Variants in GRIK2 observed in about 807,000 individuals in gnomAD.
The protein encoded by GRIK2 is glutamate ionotropic receptor kainate type subunit 2, also known as glutamate receptor ionotropic, kainate 2.
A neutral mutation model predicts 100.3 loss-of-function variants in GRIK2; 32 were observed. The observed-to-expected ratio is 0.32, with a 90% CI of 0.24 to 0.43. The LOEUF (loss-of-function observed/expected upper bound fraction) is 0.43, where lower values mean the gene tolerates loss of function less well. Ranked by LOEUF, GRIK2 falls within the 20% of genes least tolerant of loss-of-function variation. The pLI is 1.00. For missense variants in GRIK2, 843 were observed against 1,114.9 expected (o/e 0.76, Z 3.47); for synonymous variants, 417 against 389.4 (o/e 1.07, Z -0.83).
chr6:101,706,619 G>A (rs928940022), intron 7 of GRIK2, among the ~76,000 whole-genome samples: 10 of 151,870 alleles, frequency 6.6e-5, no homozygotes, highest in African/African-American at 1.7e-4. Context: ...TTTTCAGACC[G>A]TGCTATAGGT....
intron 2 of GRIK2, among the ~76,000 whole-genome samples, chr6:101,425,698 C>T (rs1582421808): frequency 2.0e-5 from 3 of 152,184 alleles, no homozygotes; most frequent in African/African-American, 7.2e-5. Flanking sequence ...TTATGATAGA[C>T]TGATTTTTAC....
intron 7 of GRIK2, among the ~76,000 whole-genome samples, chr6:101,688,411 G>A (rs1274235758): frequency 1.3e-5 from 2 of 151,770 alleles, no homozygotes; most frequent in African/African-American, 2.4e-5. Flanking sequence ...CCGAAATGAA[G>A]TAATCCCTAA....
chr6:101,923,307 A>G (rs1230277807), intron 12 of GRIK2, among the ~76,000 whole-genome samples: 1 of 152,172 alleles, frequency 6.6e-6, no homozygotes, highest in East Asian at 1.9e-4. Flanking sequence ...AGTGGCTTTA[A>G]AATTTGAAAT....
intron 2 of GRIK2, among the ~76,000 whole-genome samples, chr6:101,577,709 TTG>T (rs1467317502): frequency 3.3e-5 from 5 of 152,158 alleles, no homozygotes; most frequent in Non-Finnish European, 7.3e-5. Flanking sequence ...TTTATTTTCC[TTG>T]AGAAGATGAT....
chr6:101,678,560 C>T (rs1348590333), intron 5 of GRIK2, among the ~76,000 whole-genome samples: 1 of 152,126 alleles, frequency 6.6e-6, no homozygotes, highest in Non-Finnish European at 1.5e-5. Flanking sequence ...CTTTGTCTCA[C>T]ATTTGAATTT....
chr6:101,526,806 C>T (rs180735727), intron 2 of GRIK2, among the ~76,000 whole-genome samples: 4 of 152,234 alleles, frequency 2.6e-5, no homozygotes, highest in Admixed American at 6.5e-5. Flanking sequence ...GCCCATGGGC[C>T]CCATAGAAAG....
intron 4 of GRIK2, among the ~76,000 whole-genome samples, chr6:101,644,344 G>A (rs1781422909): frequency 6.6e-6 from 1 of 151,710 alleles, no homozygotes; most frequent in African/African-American, 2.4e-5. Context: ...GTACAGAGCT[G>A]TGAAATGGTA....
At chr6:101,405,420 GGTAA>G (rs1196643722) in intron 2 of GRIK2, among the ~76,000 whole-genome samples, 10 of 151,794 alleles carry the variant, frequency 6.6e-5, no homozygotes, top group Non-Finnish European at 1.3e-4. Flanking sequence ...TGTGTTGAAG[GGTAA>G]GTGTTGATGA....
At chr6:101,512,682 TCAA>T (rs887281640) in intron 2 of GRIK2, among the ~76,000 whole-genome samples, 1 of 152,088 alleles carries the variant, frequency 6.6e-6, no homozygotes, top group Non-Finnish European at 1.5e-5. Context: ...TTTTTTTCAA[TCAA>T]CAACTTTTTT....
intron 2 of GRIK2, among the ~76,000 whole-genome samples, chr6:101,480,074 C>T (rs1324524173): frequency 6.6e-6 from 1 of 152,108 alleles, no homozygotes; most frequent in Non-Finnish European, 1.5e-5. Flanking sequence ...AAGATTTCTG[C>T]AAATTTACAA....
At chr6:101,641,312 T>G (rs557505439) in intron 4 of GRIK2, among the ~76,000 whole-genome samples, 1 of 152,062 alleles carries the variant, frequency 6.6e-6, no homozygotes, top group Non-Finnish European at 1.5e-5. Context: ...AATTCCCCAT[T>G]CCACTCTCAC....
intron 2 of GRIK2, among the ~76,000 whole-genome samples, chr6:101,585,905 T>A (rs1245967019): frequency 1.3e-5 from 2 of 151,956 alleles, no homozygotes; most frequent in Admixed American, 6.6e-5. Flanking sequence ...AACATAAAAT[T>A]TTTCCTCCTG....
intron 14 of GRIK2, chr6:101,993,736 A>C (rs1794497974): frequency 6.7e-6 from 1 of 149,544 alleles, no homozygotes; most frequent in African/African-American, 2.4e-5. Flanking sequence ...AATATAGTTA[A>C]ATCTATTATA....
intron 10 of GRIK2, among the ~76,000 whole-genome samples, chr6:101,828,354 C>A (rs1421706593): frequency 1.3e-5 from 2 of 151,778 alleles, no homozygotes; most frequent in Non-Finnish European, 3.0e-5. Flanking sequence ...ACAACCTAAT[C>A]TCAACCTAAA....
chr6:101,553,602 G>A (rs906085967), intron 2 of GRIK2, among the ~76,000 whole-genome samples: 1 of 152,172 alleles, frequency 6.6e-6, no homozygotes, highest in South Asian at 2.1e-4. Flanking sequence ...CTGTAATTTG[G>A]TTACTAGATA....
At chr6:101,488,235 C>T (rs1240262000) in intron 2 of GRIK2, among the ~76,000 whole-genome samples, 3 of 146,446 alleles carry the variant, frequency 2.0e-5, no homozygotes, top group Admixed American at 6.8e-5. Flanking sequence ...ATAAAGAATG[C>T]TTAAGAAAAG....
At chr6:101,955,564 C>T (rs1405956402) in intron 14 of GRIK2, among the ~76,000 whole-genome samples, 1 of 147,208 alleles carries the variant, frequency 6.8e-6, no homozygotes, top group Non-Finnish European at 1.5e-5. Context: ...GCCTGAGCAA[C>T]AGAGCAAGGC....
intron 2 of GRIK2, among the ~76,000 whole-genome samples, chr6:101,428,033 A>G (rs1769144009): frequency 6.6e-6 from 1 of 152,216 alleles, no homozygotes; most frequent in African/African-American, 2.4e-5. Context: ...ACATCCTGCT[A>G]TTAGATTTTC....
At chr6:101,968,593 C>G (rs1349220940) in intron 14 of GRIK2, among the ~76,000 whole-genome samples, 1 of 151,836 alleles carries the variant, frequency 6.6e-6, no homozygotes, top group East Asian at 1.9e-4. Context: ...ATTTCTAGAT[C>G]CTCAGTCTCA....
Sources: allele counts gnomAD v4.1 joint callset (sites outside exome capture counted in the v4.1 genomes callset), GRCh38; gene constraint gnomAD v4.1.1; transcripts MANE v1.5; gene names NCBI Gene and HGNC (gene_info 2026-07-23, HGNC 2026-07-21).